Variants in ABLIM2 observed in about 807,000 individuals in gnomAD.
ABLIM2 encodes the protein actin binding LIM protein family member 2.
In ABLIM2, 53 loss-of-function variants were observed where a neutral mutation model predicts 97.7. The ratio of observed to expected loss-of-function variants is 0.54; its 90% CI spans 0.44 to 0.68. ABLIM2 has a LOEUF of 0.68. Among genes scored for constraint, ABLIM2 ranks in the 30% least tolerant of loss-of-function variants. ABLIM2 has a pLI of 0.00. For missense variants in ABLIM2, 835 were observed against 867.2 expected (o/e 0.96, Z 0.47); for synonymous variants, 361 against 345.8 (o/e 1.04, Z -0.49).
Position 8,127,730 on chromosome 4 carries a change from CGGGGAG to C in ABLIM2, c.11-21099_11-21094del, listed in dbSNP as rs1554117188. The C allele has an allele frequency of 4.1e-6, 4 of 984,694 alleles. No homozygotes were observed. The highest frequency in any genetic ancestry group is 4.8e-6 in the Non-Finnish European group (4 of 829,532). 61.0% of individuals were successfully genotyped at this position (984,694 alleles called of 1,614,324 possible). On this transcript the variant is annotated intron_variant, in intron 1 of 20. Transcript: ENST00000447017. This position sits in a 1 kb window ranked among gnomAD's most constrained non-coding sequence, Gnocchi z 7.3. ...CACGTGGCAGCTGCCACCCTCTGCC[CGGGGAG>C]GGGCAGAGCCAAGCCCTTCCCGGCA... is the stretch of plus-strand genomic sequence containing the variant.
rs1052134199 is a variant in ABLIM2, at chr4:8,125,467, C to T, written c.11-18830G>A. 6.6e-6 allele frequency among the ~76,000 whole-genome samples: 1 copy of T among 152,218 alleles called. No individual in the cohort carries two copies. The highest frequency in any genetic ancestry group is 2.1e-4 in the South Asian group (1 of 4,824). ...AATCGCGATCTGCAGTGCTGATGGC[C>T]GCAGGTTTGCCTGGGGCCTTGGTGC... is the stretch of plus-strand genomic sequence containing the variant. On this transcript the variant is annotated intron_variant, in intron 1 of 20. Coordinates refer to ENST00000447017, the MANE Select transcript of ABLIM2 (RefSeq NM_001130083.2). This position sits in a 1 kb window ranked among gnomAD's most constrained non-coding sequence, Gnocchi z 6.2.
intron 6 of ABLIM2, among the ~76,000 whole-genome samples, chr4:8,062,128 C>A (rs1580207211): frequency 6.6e-6 from 1 of 151,872 alleles, no homozygotes; most frequent in East Asian, 1.9e-4. Context: ...CACTCCCACC[C>A]CTGCCACCCT....
chr4:8,017,529 C>T (rs1770321707), intron 14 of ABLIM2, among the ~76,000 whole-genome samples: 7 of 152,136 alleles, frequency 4.6e-5, no homozygotes, highest in Middle Eastern at 3.4e-3. Context: ...CTCAGGCAAT[C>T]GGCCCGCCTG....
At chr4:8,156,060 C>T (rs1387769021) in intron 1 of ABLIM2, among the ~76,000 whole-genome samples, 1 of 152,178 alleles carries the variant, frequency 6.6e-6, no homozygotes, top group South Asian at 2.1e-4. Flanking sequence ...TCAGGAGCCT[C>T]TGTCCACCTG....
intron 8 of ABLIM2, among the ~76,000 whole-genome samples, chr4:8,052,005 T>C (rs1796359504): frequency 6.6e-6 from 1 of 152,178 alleles, no homozygotes; most frequent in African/African-American, 2.4e-5. Flanking sequence ...GAGCCCCCCC[T>C]CCCTCTTTCT....
chr4:8,112,086 A>T lies in ABLIM2; in HGVS notation c.11-5449T>A, dbSNP rs990792719. Among the ~76,000 whole-genome samples, 2 of 152,254 alleles carry T rather than the reference A, an allele frequency of 1.3e-5. No homozygotes were observed. The highest frequency in any genetic ancestry group is 2.9e-5 in the Non-Finnish European group (2 of 68,050). Reference sequence around the variant, plus strand: ...CTCAAGTGCTAAGAATCTATCACACAGGGGCTGAGAGTATTTAATCCCTCA... The same window carrying T: ...CTCAAGTGCTAAGAATCTATCACACTGGGGCTGAGAGTATTTAATCCCTCA... On this transcript the variant is annotated intron_variant, in intron 1 of 20. Coordinates refer to ENST00000447017, the MANE Select transcript of ABLIM2 (RefSeq NM_001130083.2). The surrounding 1 kb of genome is among the most constrained non-coding windows in gnomAD (Gnocchi z 4.2).
intron 20 of ABLIM2, among the ~76,000 whole-genome samples, chr4:7,975,477 T>G (rs1291441298): frequency 1.3e-5 from 2 of 152,194 alleles, no homozygotes; most frequent in African/African-American, 4.8e-5. Flanking sequence ...ATGTGCCGCG[T>G]GGCACCTTTC....
chr4:8,008,603 C>T (rs906703648), intron 15 of ABLIM2, among the ~76,000 whole-genome samples: 2 of 152,318 alleles, frequency 1.3e-5, no homozygotes, highest in African/African-American at 2.4e-5. Context: ...GTCATGAATA[C>T]GTTGTTGGAA....
chr4:8,014,944 A>ACC (rs1767801653), intron 14 of ABLIM2, among the ~76,000 whole-genome samples: 1 of 144,626 alleles, frequency 6.9e-6, no homozygotes, highest in Non-Finnish European at 1.5e-5. Flanking sequence ...TTTTTTTGAC[A>ACC]GAGTCTCGTT....
At chr4:8,026,749 G>A (rs1777624454) in intron 12 of ABLIM2, among the ~76,000 whole-genome samples, 1 of 152,330 alleles carries the variant, frequency 6.6e-6, no homozygotes, top group Non-Finnish European at 1.5e-5. Flanking sequence ...TCACAGTGCT[G>A]GAGGCTGCAC....
At chr4:7,984,388 C>T (rs1741637891) in intron 18 of ABLIM2, among the ~76,000 whole-genome samples, 1 of 152,222 alleles carries the variant, frequency 6.6e-6, no homozygotes, top group Admixed American at 6.5e-5. Context: ...AGGTGTCAGG[C>T]ACCTGCCACA....
Position 7,998,076 on chromosome 4 carries a change from T to A in ABLIM2, c.1619-5149A>T, listed in dbSNP as rs1449338252. On this transcript the variant is annotated intron_variant, in intron 16 of 20. Transcript: ENST00000447017. The surrounding 1 kb of genome is among the most constrained non-coding windows in gnomAD (Gnocchi z 6.4). ...TTGTATTTTTAGTAGAGACGGGGTT[T>A]CTCCATGTTGATCGGGCTCGTCTTC... Among the ~76,000 whole-genome samples the A allele has an allele frequency of 6.6e-6, 1 of 152,040 alleles. No individual in the cohort carries two copies. Among genetic ancestry groups the A allele is most frequent in the Non-Finnish European group, 1.5e-5 (1 of 68,014 alleles).
intron 4 of ABLIM2, among the ~76,000 whole-genome samples, chr4:8,086,234 T>G (rs1170715641): frequency 6.7e-6 from 1 of 149,112 alleles, no homozygotes; most frequent in African/African-American, 2.5e-5. Flanking sequence ...AAAATAAATT[T>G]ACATTTGGAG....
intron 1 of ABLIM2, among the ~76,000 whole-genome samples, chr4:8,139,256 TGGAAG>T (rs1201869432): frequency 3.3e-5 from 4 of 120,652 alleles, no homozygotes; most frequent in East Asian, 2.3e-4. Flanking sequence ...GGGAGGGGAA[TGGAAG>T]GGAAGGGAAG....
At position 7,992,985 on chromosome 4, in the gene ABLIM2, T is replaced by TGGGAAAGGCTGGGCAA; in HGVS notation, c.1619-59_1619-58insTTGCCCAGCCTTTCCC. The TGGGAAAGGCTGGGCAA allele has an allele frequency of 6.3e-7, 1 of 1,578,740 alleles. No homozygotes were observed. Among genetic ancestry groups the TGGGAAAGGCTGGGCAA allele is most frequent in the Non-Finnish European group, 8.7e-7 (1 of 1,155,032 alleles). ...CGCAGACTCGGTGCAGCAATGGGGG[T>TGGGAAAGGCTGGGCAA]GCAGCCCTGGGGGGGCTTCCCACCG... is the stretch of plus-strand genomic sequence containing the variant. On this transcript the variant is annotated intron_variant, in intron 16 of 20. Coordinates refer to ENST00000447017, the MANE Select transcript of ABLIM2 (RefSeq NM_001130083.2). This position sits in a 1 kb window ranked among gnomAD's most constrained non-coding sequence, Gnocchi z 5.7.
rs1033141711 is a variant in ABLIM2, at chr4:8,128,104, G to A, written c.11-21467C>T. Among the ~76,000 whole-genome samples, 5 of 152,216 alleles carry A rather than the reference G, an allele frequency of 3.3e-5. No homozygotes were observed. Among genetic ancestry groups the A allele is most frequent in the Admixed American group, 1.3e-4 (2 of 15,286 alleles). On this transcript the variant is annotated intron_variant, in intron 1 of 20. Transcript: ENST00000447017. The surrounding 1 kb of genome is among the most constrained non-coding windows in gnomAD (Gnocchi z 4.9). Reference sequence around the variant, plus strand: ...TAGGGAGCTCAGGCTGCCTCTTCCCGCTGCTGGTGGCTCCAGGCGCCCTTT... The same window carrying A: ...TAGGGAGCTCAGGCTGCCTCTTCCCACTGCTGGTGGCTCCAGGCGCCCTTT...
rs1487661860 is a variant in ABLIM2, at chr4:8,132,384, C to T, written c.11-25747G>A. Reference sequence around the variant, plus strand: ...ATGGGACAGGTGAGAGAGATTTTCACTGAGACTTAAAGCGAGGAAGACACC... The same window carrying T: ...ATGGGACAGGTGAGAGAGATTTTCATTGAGACTTAAAGCGAGGAAGACACC... On this transcript the variant is annotated intron_variant, in intron 1 of 20. Transcript: ENST00000447017. This position sits in a 1 kb window ranked among gnomAD's most constrained non-coding sequence, Gnocchi z 8.0. 1.3e-5 allele frequency among the ~76,000 whole-genome samples: 2 copies of T among 152,202 alleles called. No homozygotes were observed. Among genetic ancestry groups the T allele is most frequent in the Non-Finnish European group, 2.9e-5 (2 of 68,040 alleles).
chr4:7,983,230 A>T (rs370214035), intron 20 of ABLIM2, 34 bp downstream of exon 20: 36 of 1,585,756 alleles, frequency 2.3e-5, no homozygotes, highest in Admixed American at 1.1e-4. Context: ...TCGCATGGGA[A>T]ATGAGTCCCC....
Position 8,158,773 on chromosome 4 carries a change from T to TCCGC in ABLIM2, c.-88_-85dup, listed in dbSNP as rs919684436. The TCCGC allele has an allele frequency of 2.9e-5, 35 of 1,217,246 alleles. No individual in the cohort carries two copies. The African/African-American group carries it at 3.3e-4, about 12-fold the overall frequency. The allele number at this position is 1,217,246 out of a possible 1,614,324, so 75.4% of individuals were successfully genotyped here. ...CGCAGGTGCCGCGCCCGCGCTATCC[T>TCCGC]CCGCCCGCCCGCCGGCTCCGCGCCC... On this transcript the variant is annotated 5_prime_UTR_variant, in exon 1 of 21. Transcript: ENST00000447017.
Sources: gnomAD v4.1 joint callset for allele counts (sites outside exome capture counted in the v4.1 genomes callset) on GRCh38, gnomAD v4.1.1 for gene constraint, Gnocchi (gnomAD v3.1) non-coding constraint, MANE v1.5 for transcripts, NCBI Gene and HGNC (gene_info 2026-07-23, HGNC 2026-07-21) for gene names.